Variants in ERP44 observed in about 807,000 individuals in gnomAD.
ERP44 encodes the protein endoplasmic reticulum protein 44, also known as endoplasmic reticulum resident protein 44.
In ERP44, 25 loss-of-function variants were observed where a neutral mutation model predicts 53.4. That is an observed-to-expected ratio of 0.47 (90% CI 0.34 to 0.65). The LOEUF (loss-of-function observed/expected upper bound fraction) is 0.65, where lower values mean the gene tolerates loss of function less well. ERP44 is among the 30% of genes least tolerant of loss of function. The pLI, the probability that ERP44 is intolerant of heterozygous loss-of-function variation, is 0.01. For synonymous variants in ERP44, 145 were observed against 161.2 expected, an observed-to-expected ratio of 0.90 and a Z score of 0.76; for missense variants, 338 against 493.2, an observed-to-expected ratio of 0.69 and a Z score of 2.98.
intron 4 of ERP44, among the ~76,000 whole-genome samples, chr9:100,041,040 G>A (rs748472303): frequency 9.2e-5 from 14 of 152,084 alleles, no homozygotes; most frequent in Non-Finnish European, 1.8e-4. Context: ...TTTATGGATT[G>A]GAAGAATCAA....
At chr9:100,006,484 A>G (rs1436645502) in intron 10 of ERP44, 22 bp downstream of exon 10, 5 of 1,569,076 alleles carry the variant, frequency 3.2e-6, no homozygotes, top group Non-Finnish European at 4.3e-6. Context: ...AGTAATTTTT[A>G]AAAAACAAAA....
intron 10 of ERP44, among the ~76,000 whole-genome samples, chr9:100,002,049 A>T (rs957309545): frequency 6.6e-6 from 1 of 151,496 alleles, no homozygotes; most frequent in Non-Finnish European, 1.5e-5. Flanking sequence ...GGTTTTTAAA[A>T]TTTTTATTTT....
At chr9:100,096,766 T>C (rs567098444) in intron 1 of ERP44, among the ~76,000 whole-genome samples, 1 of 152,210 alleles carries the variant, frequency 6.6e-6, no homozygotes, top group African/African-American at 2.4e-5. Flanking sequence ...TAAGAAGGAA[T>C]AAACTTGAGG....
chr9:100,023,887 G>A (rs1587966220), intron 4 of ERP44, among the ~76,000 whole-genome samples: 1 of 152,214 alleles, frequency 6.6e-6, no homozygotes, highest in East Asian at 1.9e-4. Context: ...AGGCCCAGGG[G>A]CTCATGCCTG....
At chr9:100,027,510 A>G (rs1472946637) in intron 4 of ERP44, among the ~76,000 whole-genome samples, 1 of 152,232 alleles carries the variant, frequency 6.6e-6, no homozygotes, top group Non-Finnish European at 1.5e-5. Context: ...CTTTGACAAT[A>G]TAACAAAAAA....
intron 10 of ERP44, among the ~76,000 whole-genome samples, chr9:99,994,622 G>A (rs1214433620): frequency 6.6e-6 from 1 of 151,948 alleles, no homozygotes; most frequent in African/African-American, 2.4e-5. Context: ...TGCACGTTGT[G>A]CACATGTACC....
chr9:99,992,139 A>C (rs992547282), intron 10 of ERP44, among the ~76,000 whole-genome samples: 9 of 152,200 alleles, frequency 5.9e-5, no homozygotes, highest in South Asian at 4.1e-4. Context: ...TCAATAGAAA[A>C]AGAGAGAATC....
chr9:100,000,444 A>G (rs1830364282), intron 10 of ERP44, among the ~76,000 whole-genome samples: 1 of 151,872 alleles, frequency 6.6e-6, no homozygotes, highest in African/African-American at 2.4e-5. Flanking sequence ...TCAAAAAAAA[A>G]AAAAAAAAAA....
chr9:100,004,474 G>A (rs539551635), intron 10 of ERP44, among the ~76,000 whole-genome samples: 1 of 152,312 alleles, frequency 6.6e-6, no homozygotes, highest in South Asian at 2.1e-4. Flanking sequence ...CCTGGCACCA[G>A]GATGGGACTA....
intron 3 of ERP44, among the ~76,000 whole-genome samples, chr9:100,053,327 A>AAC (rs1461206554): frequency 1.3e-5 from 2 of 152,166 alleles, no homozygotes; most frequent in African/African-American, 2.4e-5. Context: ...TTTTACTTTA[A>AAC]ACACAAGGCA....
At chr9:100,090,444 A>G (rs1039279821) in intron 1 of ERP44, among the ~76,000 whole-genome samples, 2 of 152,204 alleles carry the variant, frequency 1.3e-5, no homozygotes, top group African/African-American at 4.8e-5. Flanking sequence ...TACATTATTT[A>G]AAACTTCAAA....
intron 1 of ERP44, among the ~76,000 whole-genome samples, chr9:100,086,534 T>C (rs149930734): frequency 9.6e-4 from 147 of 152,338 alleles, no homozygotes; most frequent in African/African-American, 3.4e-3. Context: ...TTCTCTACTA[T>C]TACTTTACAA....
At chr9:100,067,709 C>T (rs1587979707) in intron 1 of ERP44, among the ~76,000 whole-genome samples, 2 of 151,202 alleles carry the variant, frequency 1.3e-5, no homozygotes, top group East Asian at 2.0e-4. Context: ...AAGTGAGGAG[C>T]GTCTCTGCCC....
chr9:100,001,868 G>C (rs1830381653), intron 10 of ERP44, among the ~76,000 whole-genome samples: 1 of 152,092 alleles, frequency 6.6e-6, no homozygotes, highest in East Asian at 1.9e-4. Context: ...TTGTTCACTG[G>C]TTGTTTTGTA....
At chr9:100,045,093 T>C (rs1825952447) in intron 4 of ERP44, among the ~76,000 whole-genome samples, 1 of 152,168 alleles carries the variant, frequency 6.6e-6, no homozygotes, top group African/African-American at 2.4e-5. Context: ...AGCCTCTCTG[T>C]ATCTTTCAGC....
At chr9:100,055,997 C>T (rs1826083746) in intron 3 of ERP44, among the ~76,000 whole-genome samples, 1 of 152,190 alleles carries the variant, frequency 6.6e-6, no homozygotes, top group African/African-American at 2.4e-5. Context: ...AATTCATCAA[C>T]AACTTAAGGT....
intron 4 of ERP44, 64 bp from the exon 5 acceptor site, chr9:100,022,290 G>T: frequency 2.2e-6 from 3 of 1,334,298 alleles, no homozygotes; most frequent in Non-Finnish European, 3.0e-6. Context: ...TTTGCCTAAT[G>T]GTCAAAAATC....
chr9:100,023,257 TG>T (rs1313266106), intron 4 of ERP44, among the ~76,000 whole-genome samples: 2 of 152,058 alleles, frequency 1.3e-5, no homozygotes, highest in African/African-American at 4.8e-5. Flanking sequence ...GAGATTAAAT[TG>T]GTACTACAAA....
At position 99,999,678 on chromosome 9, in the gene ERP44, A is replaced by T. The variant is rs545727624; in HGVS notation, c.1016+6828T>A. On this transcript the variant is annotated intron_variant, in intron 10 of 11. Coordinates refer to ENST00000262455, the MANE Select transcript of ERP44 (RefSeq NM_015051.3). ...TTCCTTCACTGTGCAGAAACTTTTT[A>T]GTTTGACGTAATCCAATTTTTCTAT... 1.6e-3 allele frequency among the ~76,000 whole-genome samples: 239 copies of T among 151,848 alleles called. 2 individuals are homozygous for T. The highest frequency in any genetic ancestry group is 5.6e-3 in the African/African-American group (230 of 41,406).
Sources: gnomAD v4.1 joint callset for allele counts (sites outside exome capture counted in the v4.1 genomes callset) on GRCh38, gnomAD v4.1.1 for gene constraint, MANE v1.5 for transcripts, NCBI Gene and HGNC (gene_info 2026-07-23, HGNC 2026-07-21) for gene names.